VTI1A: variants seen among roughly 807,000 people sequenced by gnomAD.
VTI1A encodes the protein vesicle transport through interaction with t-SNAREs 1A.
A neutral mutation model predicts 34.9 loss-of-function variants in VTI1A; 22 were observed. The observed-to-expected ratio is 0.63, with a 90% confidence interval of 0.45 to 0.90. VTI1A has a LOEUF of 0.90. VTI1A is among the 40% of genes least tolerant of loss of function. The pLI, the probability that VTI1A is intolerant of heterozygous loss-of-function variation, is 0.00. For missense variants in VTI1A, 268 were observed against 275.6 expected, an observed-to-expected ratio of 0.97 and a Z score of 0.20; for synonymous variants, 87 against 97.3, an observed-to-expected ratio of 0.89 and a Z score of 0.62.
the VTI1A span, among the ~76,000 whole-genome samples, chr10:112,830,590 G>A: frequency 1.3e-4 from 19 of 149,848 alleles, no homozygotes; most frequent in African/African-American, 3.2e-4. Context: ...TTATTCTTTC[G>A]TGTCCATCAT....
chr10:112,524,510 A>G (rs996653807), intron 3 of VTI1A, among the ~76,000 whole-genome samples: 1 of 152,154 alleles, frequency 6.6e-6, no homozygotes, highest in African/African-American at 2.4e-5. Flanking sequence ...ATGGTGAAGA[A>G]TGACATTTAT....
At chr10:112,719,109 C>T (rs1029865189) in intron 7 of VTI1A, among the ~76,000 whole-genome samples, 1 of 152,110 alleles carries the variant, frequency 6.6e-6, no homozygotes, top group African/African-American at 2.4e-5. Flanking sequence ...TTATCTTTCA[C>T]GATGAAATAC....
At chr10:112,659,405 G>A (rs1421373566) in intron 5 of VTI1A, among the ~76,000 whole-genome samples, 1 of 152,142 alleles carries the variant, frequency 6.6e-6, no homozygotes, top group East Asian at 1.9e-4. Flanking sequence ...AATTAACATG[G>A]TTCCTTTTGT....
intron 5 of VTI1A, among the ~76,000 whole-genome samples, chr10:112,544,205 A>G (rs926108868): frequency 6.6e-6 from 1 of 152,110 alleles, no homozygotes; most frequent in African/African-American, 2.4e-5. Flanking sequence ...GTTTTTTCCA[A>G]TTCTGTGAAC....
At chr10:112,508,491 G>A (rs1259959480) in intron 3 of VTI1A, among the ~76,000 whole-genome samples, 1 of 152,044 alleles carries the variant, frequency 6.6e-6, no homozygotes, top group Non-Finnish European at 1.5e-5. Flanking sequence ...TCTATTCAAG[G>A]GGGTAGGAGA....
chr10:112,575,016 C>T (rs1038441828), intron 5 of VTI1A, among the ~76,000 whole-genome samples: 1 of 152,112 alleles, frequency 6.6e-6, no homozygotes, highest in African/African-American at 2.4e-5. Context: ...AGTAGCTTGC[C>T]CATGTTTACA....
intron 5 of VTI1A, among the ~76,000 whole-genome samples, chr10:112,638,140 G>T (rs1174524306): frequency 6.6e-6 from 1 of 152,242 alleles, no homozygotes; most frequent in Non-Finnish European, 1.5e-5. Context: ...TTGGCAGAGA[G>T]TTCTCAGTGT....
At chr10:112,463,048 C>T (rs1020651411) in intron 2 of VTI1A, among the ~76,000 whole-genome samples, 19 of 152,116 alleles carry the variant, frequency 1.2e-4, no homozygotes, top group African/African-American at 4.3e-4. Flanking sequence ...TCTCAGCCTC[C>T]CGAGTAGCTG....
downstream of VTI1A, among the ~76,000 whole-genome samples, chr10:112,822,276 T>C (rs1434125522): frequency 6.6e-6 from 1 of 152,142 alleles, no homozygotes; most frequent in Non-Finnish European, 1.5e-5. Context: ...CTTCTAAGGA[T>C]TGCGTTCTGG....
intron 7 of VTI1A, among the ~76,000 whole-genome samples, chr10:112,696,723 A>G (rs1204391923): frequency 1.3e-5 from 2 of 152,190 alleles, no homozygotes; most frequent in African/African-American, 4.8e-5. Context: ...TCACTTTGTC[A>G]GTGTGCACTC....
At chr10:112,520,637 GTGTGTGTGTGTATA>G (rs1208203661) in intron 3 of VTI1A, among the ~76,000 whole-genome samples, 1 of 121,214 alleles carries the variant, frequency 8.2e-6, no homozygotes, top group Non-Finnish European at 1.7e-5. Flanking sequence ...GTGTGTGTGT[GTGTGTGTGTGTATA>G]TATATATATA....
At chr10:112,724,644 G>A (rs951264856) in intron 7 of VTI1A, among the ~76,000 whole-genome samples, 5 of 151,720 alleles carry the variant, frequency 3.3e-5, no homozygotes, top group African/African-American at 9.7e-5. Flanking sequence ...ATCTGTGTTC[G>A]CCCTCCCTCA....
At chr10:112,691,478 A>G (rs1848614864) in intron 7 of VTI1A, among the ~76,000 whole-genome samples, 1 of 151,976 alleles carries the variant, frequency 6.6e-6, no homozygotes, top group African/African-American at 2.4e-5. Context: ...ATATGACTGT[A>G]GCAAATTTGG....
chr10:112,457,936 A>G (rs1233309248), intron 1 of VTI1A, among the ~76,000 whole-genome samples: 1 of 152,100 alleles, frequency 6.6e-6, no homozygotes, highest in Admixed American at 6.5e-5. Context: ...AGGACCTAAG[A>G]ATGTCTATTA....
rs1485401810 is a variant in VTI1A, at chr10:112,595,478, C to T, written c.427+57148C>T. On this transcript the variant is annotated intron_variant, in intron 5 of 7. Transcript: ENST00000393077. ...ACAAATTTACAAGAAAAAAAACAAA[C>T]AACCCCATCAAAAAGTGGGCAAAGG... Among the ~76,000 whole-genome samples the T allele has an allele frequency of 2.0e-5, 3 of 152,050 alleles. No individual in the cohort carries two copies. In the East Asian group the frequency reaches 5.8e-4, roughly 29 times the overall value.
chr10:112,488,884 G>GT (rs1455790673), intron 3 of VTI1A, among the ~76,000 whole-genome samples: 7 of 151,884 alleles, frequency 4.6e-5, no homozygotes, highest in African/African-American at 1.5e-4. Flanking sequence ...TATTAACAAA[G>GT]TTTTTTTTAA....
chr10:112,609,525 A>G (rs1845211460), intron 5 of VTI1A, among the ~76,000 whole-genome samples: 1 of 152,238 alleles, frequency 6.6e-6, no homozygotes, highest in Non-Finnish European at 1.5e-5. Flanking sequence ...TGAGTATAGT[A>G]GAAGACAATA....
chr10:112,496,261 T>C (rs972335426), intron 3 of VTI1A, among the ~76,000 whole-genome samples: 1 of 143,362 alleles, frequency 7.0e-6, no homozygotes, highest in African/African-American at 2.6e-5. Context: ...TAACCATAGT[T>C]GTTGAAGTAT....
At chr10:112,586,677 G>A (rs547044285) in intron 5 of VTI1A, among the ~76,000 whole-genome samples, 16 of 151,684 alleles carry the variant, frequency 1.1e-4, no homozygotes, top group African/African-American at 3.6e-4. Flanking sequence ...TGTGTACCCC[G>A]CTGCCTCCTC....
Sources: allele counts gnomAD v4.1 joint callset (sites outside exome capture counted in the v4.1 genomes callset), GRCh38; gene constraint gnomAD v4.1.1; transcripts MANE v1.5; gene names NCBI Gene and HGNC (gene_info 2026-07-23, HGNC 2026-07-21).